Variants in SDC2 observed in about 807,000 individuals in gnomAD.
SDC2 encodes syndecan 2, also known as syndecan-2.
SDC2 carries 13 observed loss-of-function variants against 22.2 expected under a neutral mutation model. That is an observed-to-expected ratio of 0.59 (90% CI 0.38 to 0.93). The LOEUF (loss-of-function observed/expected upper bound fraction) is 0.93. SDC2 is among the 40% of genes least tolerant of loss of function. SDC2 has a pLI of 0.00. For synonymous variants in SDC2, 94 were observed against 92.8 expected (o/e 1.01, Z -0.07); for missense variants, 235 against 246.8 (o/e 0.95, Z 0.32).
intron 1 of SDC2, among the ~76,000 whole-genome samples, chr8:96,550,654 TAGGC>T (rs977800219): frequency 1.3e-5 from 2 of 152,142 alleles, no homozygotes; most frequent in African/African-American, 4.8e-5. Context: ...GGAAATAACT[TAGGC>T]AGCCCAAACA....
In SDC2 at chr8:96,606,597, G is replaced by A. The variant is rs1382735472; in HGVS notation, c.307-1738G>A. Among the ~76,000 whole-genome samples, 5 of 152,300 alleles carry A rather than the reference G, an allele frequency of 3.3e-5. No homozygotes were observed. The Middle Eastern group carries it at 0.014, about 414-fold the overall frequency. On this transcript the variant is annotated intron_variant, in intron 3 of 4. Coordinates refer to ENST00000302190, the MANE Select transcript of SDC2 (RefSeq NM_002998.4). ...AGAACTGGGGCAGTGCTGTTGGGTT[G>A]GAGCAGTCAGAGGGAGATGGTGACC...
chr8:96,523,774 A>C (rs1050944679), intron 1 of SDC2, among the ~76,000 whole-genome samples: 1 of 152,248 alleles, frequency 6.6e-6, no homozygotes, highest in Admixed American at 6.5e-5. Flanking sequence ...CCATCCAAAA[A>C]AAGACGCGGA....
rs988277653 is a variant in SDC2 at position 96,610,383 on chromosome 8, G to A, written c.*835G>A. 1.5e-4 allele frequency: 23 copies of A among 152,648 alleles called. No homozygotes were observed. The highest frequency in any genetic ancestry group is 5.3e-4 in the African/African-American group (22 of 41,550). 9.5% of individuals were successfully genotyped at this position (152,648 alleles called of 1,614,324 possible). ...CTTGCAATTTGAAGGTACGAGTAGA[G>A]GTTTAAAGAAAAATCAGTTTTTGTT... On this transcript the variant is annotated 3_prime_UTR_variant, in exon 5 of 5. Transcript: ENST00000302190.
chr8:96,518,521 C>T (rs891676950), intron 1 of SDC2, among the ~76,000 whole-genome samples: 1 of 151,824 alleles, frequency 6.6e-6, no homozygotes, highest in South Asian at 2.1e-4. Context: ...CCACCAGGCC[C>T]GGCTAATTTT....
At chr8:96,519,622 C>T (rs752492520) in intron 1 of SDC2, among the ~76,000 whole-genome samples, 5 of 151,804 alleles carry the variant, frequency 3.3e-5, no homozygotes, top group Non-Finnish European at 7.4e-5. Context: ...AAAATTAAAT[C>T]GCAATTTAAT....
intron 1 of SDC2, among the ~76,000 whole-genome samples, chr8:96,579,412 A>G (rs1814555432): frequency 6.6e-6 from 1 of 152,214 alleles, no homozygotes; most frequent in African/African-American, 2.4e-5. Flanking sequence ...TTGAGTTTCT[A>G]AGAGGCCTAG....
In SDC2 at chr8:96,555,146, G is replaced by A. The variant is rs143497317; in HGVS notation, c.61-38334G>A. Among the ~76,000 whole-genome samples, 241 of 152,010 alleles carry A rather than the reference G, an allele frequency of 1.6e-3. 2 individuals are homozygous for A. The highest frequency in any genetic ancestry group is 5.0e-3 in the African/African-American group (208 of 41,436). ...GGCTTTGTCCTTAGACTAAGTTCTG[G>A]GAGGATGGGATCTTTTGCCAGTTTT... On this transcript the variant is annotated intron_variant, in intron 1 of 4. Transcript: ENST00000302190.
chr8:96,548,296 G>T (rs1813968936), intron 1 of SDC2, among the ~76,000 whole-genome samples: 2 of 152,184 alleles, frequency 1.3e-5, no homozygotes, highest in African/African-American at 4.8e-5. Context: ...TTAGGGTACA[G>T]TTACAGGTTG....
chr8:96,510,996 G>A (rs1262519919), intron 1 of SDC2, among the ~76,000 whole-genome samples: 1 of 152,172 alleles, frequency 6.6e-6, no homozygotes, highest in Admixed American at 6.5e-5. Flanking sequence ...TAGGCCAGTG[G>A]TTCTCGAAGT....
intron 1 of SDC2, among the ~76,000 whole-genome samples, chr8:96,535,255 C>T (rs1813736185): frequency 6.6e-6 from 1 of 152,182 alleles, no homozygotes; most frequent in Non-Finnish European, 1.5e-5. Context: ...GATTCGCCCG[C>T]CTTGGCCTCC....
At chr8:96,497,063 A>G (rs1441495153) in intron 1 of SDC2, among the ~76,000 whole-genome samples, 1 of 152,216 alleles carries the variant, frequency 6.6e-6, no homozygotes, top group Admixed American at 6.5e-5. Flanking sequence ...TTGAACTGGA[A>G]ATATGTTTAA....
chr8:96,558,878 A>G (rs1016871216), intron 1 of SDC2, among the ~76,000 whole-genome samples: 2 of 152,176 alleles, frequency 1.3e-5, no homozygotes, highest in Non-Finnish European at 2.9e-5. Flanking sequence ...CATGAATGTA[A>G]TAGTAAACTA....
chr8:96,563,534 C>CTCCA (rs1235582535), intron 1 of SDC2, among the ~76,000 whole-genome samples: 1 of 152,162 alleles, frequency 6.6e-6, no homozygotes, highest in Non-Finnish European at 1.5e-5. Context: ...ATGTATCAGA[C>CTCCA]TCCACATGGA....
chr8:96,526,707 G>A (rs912183061), intron 1 of SDC2, among the ~76,000 whole-genome samples: 3 of 151,824 alleles, frequency 2.0e-5, no homozygotes, highest in African/African-American at 7.3e-5. Context: ...AATACTTGGT[G>A]TACTCCTCAA....
At chr8:96,538,528 C>T (rs553902093) in intron 1 of SDC2, among the ~76,000 whole-genome samples, 29 of 151,078 alleles carry the variant, frequency 1.9e-4, no homozygotes, top group Admixed American at 6.6e-4. Flanking sequence ...TTTTTTTTTC[C>T]AGTGTTTCAA....
At chr8:96,602,642 C>A in intron 3 of SDC2, 114 bp downstream of exon 3, 1 of 1,166,582 alleles carries the variant, frequency 8.6e-7, no homozygotes, top group Non-Finnish European at 1.2e-6. Flanking sequence ...AGCTACCCAT[C>A]ATGAACTATG....
chr8:96,568,520 A>G (rs1482373387), intron 1 of SDC2, among the ~76,000 whole-genome samples: 2 of 152,264 alleles, frequency 1.3e-5, no homozygotes, highest in African/African-American at 2.4e-5. Context: ...AAAGAGGTCC[A>G]AAAACTTGCC....
intron 1 of SDC2, among the ~76,000 whole-genome samples, chr8:96,527,656 C>T (rs893358587): frequency 4.6e-5 from 7 of 152,240 alleles, no homozygotes; most frequent in African/African-American, 1.7e-4. Context: ...TAAAACCAAG[C>T]TGCTTTGAGT....
At chr8:96,573,260 T>A (rs1416262501) in intron 1 of SDC2, among the ~76,000 whole-genome samples, 3 of 11,018 alleles carry the variant, frequency 2.7e-4, no homozygotes, top group African/African-American at 8.4e-4. Flanking sequence ...TCCAGGTGTC[T>A]GACTTCAGGA....
Sources: allele counts gnomAD v4.1 joint callset (sites outside exome capture counted in the v4.1 genomes callset), GRCh38; gene constraint gnomAD v4.1.1; transcripts MANE v1.5; gene names NCBI Gene and HGNC (gene_info 2026-07-23, HGNC 2026-07-21).